The following ANO3 variants were observed in gnomAD, a reference collection of about 807,000 sequenced individuals.
The protein encoded by ANO3 is anoctamin 3, also known as anoctamin-3.
Under a neutral mutation model 144.8 loss-of-function variants are expected in ANO3, and 99 were observed. The observed-to-expected ratio is 0.68, with a 90% CI of 0.58 to 0.81. The LOEUF is 0.81. Ranked by LOEUF, ANO3 falls within the 30% of genes least tolerant of loss-of-function variation. The probability of loss-of-function intolerance (pLI) is 0.00; values close to 1 mark genes in which losing one functional copy is unlikely to be tolerated. For synonymous variants in ANO3, 414 were observed against 392.6 expected (o/e 1.05, Z -0.64); for missense variants, 905 against 1,202.2 (o/e 0.75, Z 3.66).
Position 26,661,461 on chromosome 11 carries a change from C to G in ANO3, c.*1017C>G, listed in dbSNP as rs1853875528. 1 of 152,554 alleles carries G rather than the reference C, an allele frequency of 6.6e-6. No individual in the cohort carries two copies. The highest frequency in any genetic ancestry group is 1.5e-5 in the Non-Finnish European group (1 of 68,010). The allele number at this position is 152,554 out of a possible 1,614,324, so 9.5% of individuals were successfully genotyped here. A position where few individuals can be genotyped will look rare whatever the true frequency, so the allele number is the denominator to read the frequency against. ...ATTGTAATATGTTTATTCGGGAAAA[C>G]TGAGGCCAGATGCTCTGCAACACTT... On this transcript the variant is annotated 3_prime_UTR_variant, in exon 27 of 27. Transcript: ENST00000256737.
chr11:26,534,289 C>G (rs902729288), intron 8 of ANO3, among the ~76,000 whole-genome samples, 167 bp from the exon 9 acceptor site: 41 of 152,042 alleles, frequency 2.7e-4, no homozygotes, highest in African/African-American at 9.7e-4. Context: ...TTTGATAATG[C>G]CTTGTATTAT....
intron 18 of ANO3, among the ~76,000 whole-genome samples, chr11:26,632,490 T>C (rs958318549): frequency 1.3e-5 from 2 of 149,442 alleles, no homozygotes; most frequent in Non-Finnish European, 3.0e-5. Flanking sequence ...TAGTCCAGCC[T>C]GGGCAACAGA....
intron 1 of ANO3, among the ~76,000 whole-genome samples, chr11:26,407,070 G>GTATATA (rs202060948): frequency 0.021 from 2,089 of 101,210 alleles, 31 homozygotes; most frequent in South Asian, 0.034. Context: ...GTGTGTGTGT[G>GTATATA]TGTGTGTATA....
intron 14 of ANO3, chr11:26,560,637 A>G (rs1850250998): frequency 6.5e-6 from 1 of 153,282 alleles, no homozygotes; most frequent in African/African-American, 2.4e-5. Flanking sequence ...CACCCTTTCA[A>G]TTTTCATTTA....
At chr11:26,240,644 G>T (rs764170661) in intron 1 of ANO3, among the ~76,000 whole-genome samples, 1 of 151,984 alleles carries the variant, frequency 6.6e-6, no homozygotes, top group African/African-American at 2.4e-5. Flanking sequence ...ATACTGTTCG[G>T]TTTTTTACTT....
At chr11:26,408,647 A>G (rs1208118839) in intron 1 of ANO3, among the ~76,000 whole-genome samples, 1 of 150,200 alleles carries the variant, frequency 6.7e-6, no homozygotes, top group Admixed American at 6.7e-5. Context: ...AGGATTATAA[A>G]TCATGCTGCT....
chr11:26,200,877 A>G (rs1274580054), intron 1 of ANO3, among the ~76,000 whole-genome samples: 2 of 152,162 alleles, frequency 1.3e-5, no homozygotes, highest in Non-Finnish European at 2.9e-5. Flanking sequence ...ATGATTCAAA[A>G]CATATTTACC....
chr11:26,438,948 A>G (rs1858410378), intron 1 of ANO3, among the ~76,000 whole-genome samples: 1 of 152,224 alleles, frequency 6.6e-6, no homozygotes, highest in South Asian at 2.1e-4. Flanking sequence ...CTGCGAAGCT[A>G]CAATGCTAAA....
chr11:26,224,011 A>G (rs769436553), intron 1 of ANO3, among the ~76,000 whole-genome samples: 30 of 151,962 alleles, frequency 2.0e-4, no homozygotes, highest in Non-Finnish European at 2.5e-4. Flanking sequence ...AAACTATATC[A>G]CCGTTGGAAA....
At chr11:26,473,652 ACACCTCC>A (rs1455787359) in intron 4 of ANO3, among the ~76,000 whole-genome samples, 3 of 151,924 alleles carry the variant, frequency 2.0e-5, no homozygotes, top group Non-Finnish European at 4.4e-5. Flanking sequence ...AAACTGAAAC[ACACCTCC>A]CACCTCCCAT....
intron 12 of ANO3, among the ~76,000 whole-genome samples, chr11:26,551,328 G>A (rs448525): frequency 0.71 from 108,162 of 151,856 alleles, 38,824 homozygotes; most frequent in East Asian, 0.84. Context: ...GTGGTTGTTT[G>A]GATTGTCAAG....
Position 26,299,541 on chromosome 11 carries a change from C to CT in ANO3, c.155-10094dup, listed in dbSNP as rs369790440. Reference sequence around the variant, plus strand: ...GAAAACTAGAGTCAAGAGAGATTGCCTTTTTTTTTTCCTATTCTTTTTAGG... The same window carrying CT: ...GAAAACTAGAGTCAAGAGAGATTGCCTTTTTTTTTTTCCTATTCTTTTTAGG... On this transcript the variant is annotated intron_variant, in intron 1 of 27. Coordinates refer to the ANO3 transcript ENST00000672621. 2.0e-3 allele frequency among the ~76,000 whole-genome samples: 304 copies of CT among 148,790 alleles called. 1 individual carries two copies. The highest frequency in any genetic ancestry group is 5.4e-3 in the African/African-American group (221 of 40,650).
chr11:26,347,604 A>T (rs916656838), intron 1 of ANO3, among the ~76,000 whole-genome samples: 2 of 151,886 alleles, frequency 1.3e-5, no homozygotes, highest in East Asian at 3.9e-4. Context: ...ATTAGTCAAC[A>T]TCACTTCTTT....
intron 1 of ANO3, among the ~76,000 whole-genome samples, chr11:26,375,048 G>A (rs1178964027): frequency 6.6e-6 from 1 of 152,124 alleles, no homozygotes; most frequent in Non-Finnish European, 1.5e-5. Context: ...CTGGCCGTGT[G>A]CACTTTATTT....
chr11:26,298,666 A>C (rs529939152), intron 1 of ANO3, among the ~76,000 whole-genome samples: 73 of 152,302 alleles, frequency 4.8e-4, no homozygotes, highest in Admixed American at 1.6e-3. Context: ...CTCGTTTCCA[A>C]ACCTAAATCT....
rs754335144 is a variant in ANO3, at chr11:26,639,150, C to T, written c.2050C>T (p.Pro684Ser). 6.2e-7 allele frequency: 1 copy of T among 1,609,042 alleles called. No homozygotes were observed. The highest frequency in any genetic ancestry group is 1.7e-5 in the Admixed American group (1 of 59,972). ...FDRWRLEECH[P>S]SGCLIDLCLQ... Reference sequence around the variant, plus strand: ...CTCTTATGTTCTATTTCAGTGTCATCCTAGTGGCTGTTTGATAGACCTCTG... The same window carrying T: ...CTCTTATGTTCTATTTCAGTGTCATTCTAGTGGCTGTTTGATAGACCTCTG... The change falls in exon 21 of 27, where the codon CCT (proline) becomes TCT (serine). Residue 684 changes from proline to serine, a missense_variant. This residue lies in a region of ANO3 where 597 missense variants were observed against 865.1 expected (regional missense o/e 0.69). Transcript: ENST00000256737.
intron 4 of ANO3, among the ~76,000 whole-genome samples, chr11:26,482,428 G>A (rs1169277640): frequency 2.2e-3 from 2 of 914 alleles, no homozygotes; most frequent in Non-Finnish European, 3.4e-3. Flanking sequence ...ACAGATATAT[G>A]TGTGTGTGTG....
intron 1 of ANO3, among the ~76,000 whole-genome samples, chr11:26,228,094 G>C (rs565533817): frequency 1.3e-5 from 2 of 152,166 alleles, no homozygotes; most frequent in Non-Finnish European, 2.9e-5. Flanking sequence ...CAGGTGTTTG[G>C]ACCTGATTAT....
At chr11:26,315,320 T>C (rs573639598) in intron 1 of ANO3, among the ~76,000 whole-genome samples, 1 of 152,180 alleles carries the variant, frequency 6.6e-6, no homozygotes, top group Non-Finnish European at 1.5e-5. Flanking sequence ...GTTTTTCTAA[T>C]CTTCTGCTCT....
Sources: allele counts gnomAD v4.1 joint callset (sites outside exome capture counted in the v4.1 genomes callset), GRCh38; gene constraint gnomAD v4.1.1; regional missense constraint gnomAD v4.1.1; transcripts MANE v1.5; gene names NCBI Gene and HGNC (gene_info 2026-07-23, HGNC 2026-07-21).